Variants in ACSBG1 observed in about 807,000 individuals in gnomAD.
ACSBG1 encodes the protein acyl-CoA synthetase bubblegum family member 1.
In ACSBG1, 39 loss-of-function variants were observed where a neutral mutation model predicts 80.2. The observed-to-expected ratio is 0.49, with a 90% confidence interval of 0.38 to 0.64. ACSBG1 has a LOEUF of 0.64. ACSBG1 is among the 30% of genes least tolerant of loss of function. ACSBG1 has a pLI of 0.00. For missense variants in ACSBG1, 828 were observed against 966.4 expected (o/e 0.86, Z 1.90); for synonymous variants, 392 against 379.5 (o/e 1.03, Z -0.38).
chr15:78,211,539 C>T (rs2075267418), intron 1 of ACSBG1, among the ~76,000 whole-genome samples: 1 of 152,252 alleles, frequency 6.6e-6, no homozygotes, highest in Non-Finnish European at 1.5e-5. Flanking sequence ...CACATAAGCA[C>T]ACTTTAAGCT....
chr15:78,187,341 T>G (rs2141338993), intron 5 of ACSBG1, among the ~76,000 whole-genome samples: 1 of 152,116 alleles, frequency 6.6e-6, no homozygotes, highest in Non-Finnish European at 1.5e-5. Flanking sequence ...AGCATCATCC[T>G]GATACCAAAG....
chr15:78,200,688 G>A (rs966039313), intron 2 of ACSBG1, among the ~76,000 whole-genome samples: 4 of 152,124 alleles, frequency 2.6e-5, no homozygotes, highest in Non-Finnish European at 4.4e-5. Context: ...ATCTCCTCTG[G>A]GAAAGGACTA....
chr15:78,189,742 C>T (rs976606894), intron 5 of ACSBG1, among the ~76,000 whole-genome samples: 44 of 151,984 alleles, frequency 2.9e-4, no homozygotes, highest in Non-Finnish European at 4.7e-4. Context: ...TTAATGGGTG[C>T]AGCACACCAG....
In ACSBG1 at chr15:78,216,301, C is replaced by T. The variant is rs190434631; in HGVS notation, c.132-8199G>A. 5.3e-5 allele frequency among the ~76,000 whole-genome samples: 8 copies of T among 152,108 alleles called. No individual in the cohort carries two copies. In the East Asian group the frequency reaches 5.8e-4, roughly 11 times the overall value. ...CTCGAAGATTTAGAGATGATGGGATCGATGAACAAAGATGCATTCTTTGCA... is the reference window on the plus strand; with the variant it reads ...CTCGAAGATTTAGAGATGATGGGATTGATGAACAAAGATGCATTCTTTGCA... On this transcript the variant is annotated intron_variant, in intron 1 of 13. Transcript: ENST00000258873.
chr15:78,168,985 C>G lies in ACSBG1; in HGVS notation c.*2459G>C. ...AGACTTCACAGAGGAAATCTGTCGC[C>G]GAGTAAAAGATTTAGATTAACACTT... On this transcript the variant is annotated 3_prime_UTR_variant, in exon 14 of 14. Transcript: ENST00000258873. 1 of 1,597,602 alleles carries G rather than the reference C, an allele frequency of 6.3e-7. No individual in the cohort carries two copies. Among genetic ancestry groups the G allele is most frequent in the Non-Finnish European group, 8.6e-7 (1 of 1,166,310 alleles).
At chr15:78,220,697 GA>G in intron 1 of ACSBG1, among the ~76,000 whole-genome samples, 2 of 152,242 alleles carry the variant, frequency 1.3e-5, no homozygotes, top group African/African-American at 4.8e-5. Context: ...TATGCAAATG[GA>G]CAACAAGCAC....
intron 1 of ACSBG1, among the ~76,000 whole-genome samples, chr15:78,228,189 C>G (rs1374926183): frequency 2.0e-5 from 3 of 152,170 alleles, no homozygotes; most frequent in Non-Finnish European, 4.4e-5. Flanking sequence ...GTGTTCCTCA[C>G]AGGCTCCTTT....
chr15:78,209,338 GC>G, intron 1 of ACSBG1: 1 of 440,858 alleles, frequency 2.3e-6, no homozygotes. Flanking sequence ...CCAAGGTGGC[GC>G]CGTTCTTGCG....
chr15:78,210,144 T>C lies in ACSBG1; in HGVS notation c.132-2042A>G, dbSNP rs117329634. On this transcript the variant is annotated intron_variant, in intron 1 of 13. Coordinates refer to ENST00000258873, the MANE Select transcript of ACSBG1 (RefSeq NM_015162.5). ...TGGAGGGGCAGCACCCAGTGCAGTG[T>C]CAAATTTCTTGTTGCTCAGACACTG... 2.8e-3 allele frequency among the ~76,000 whole-genome samples: 433 copies of C among 152,272 alleles called. 5 individuals are homozygous for C. Among genetic ancestry groups the C allele is most frequent in the Non-Finnish European group, 1.6e-3 (106 of 68,016 alleles).
intron 2 of ACSBG1, among the ~76,000 whole-genome samples, chr15:78,197,791 C>T (rs906239336): frequency 2.0e-5 from 3 of 151,634 alleles, no homozygotes; most frequent in Admixed American, 1.3e-4. Context: ...TGTGCAATGG[C>T]CCTCAGAGCA....
chr15:78,216,495 G>A (rs1215617070), intron 1 of ACSBG1, among the ~76,000 whole-genome samples: 5 of 152,170 alleles, frequency 3.3e-5, no homozygotes, highest in African/African-American at 7.2e-5. Context: ...CCCCAGTCTC[G>A]GTTTTCCAGC....
intron 10 of ACSBG1, 56 bp downstream of exon 10, chr15:78,179,494 C>T: frequency 6.5e-7 from 1 of 1,534,904 alleles, no homozygotes; most frequent in Non-Finnish European, 8.9e-7. Flanking sequence ...CAGGCGGGCA[C>T]AAAGTACCAG....
chr15:78,194,175 G>T (rs1256150909), intron 3 of ACSBG1, among the ~76,000 whole-genome samples, 155 bp from the exon 4 acceptor site: 2 of 152,122 alleles, frequency 1.3e-5, no homozygotes, highest in Non-Finnish European at 2.9e-5. Flanking sequence ...GAAGGGGTTG[G>T]TCACTCAACA....
intron 2 of ACSBG1, among the ~76,000 whole-genome samples, chr15:78,204,649 C>T (rs2075197614): frequency 6.6e-6 from 1 of 152,238 alleles, no homozygotes; most frequent in Non-Finnish European, 1.5e-5. Context: ...GAATCACTGG[C>T]ACTCATTTCC....
intron 1 of ACSBG1, among the ~76,000 whole-genome samples, chr15:78,212,064 C>T (rs961150042): frequency 6.6e-5 from 10 of 152,320 alleles, no homozygotes; most frequent in Admixed American, 3.3e-4. Flanking sequence ...GAACGCTTCA[C>T]GGATGAGGAT....
At chr15:78,183,027 A>C in intron 5 of ACSBG1, 4 of 564,868 alleles carry the variant, frequency 7.1e-6, no homozygotes, top group East Asian at 2.9e-5. Flanking sequence ...AAAACCACCA[A>C]ACAAGCTGGG....
intron 5 of ACSBG1, among the ~76,000 whole-genome samples, chr15:78,191,625 C>T (rs2075057497): frequency 2.0e-5 from 3 of 152,332 alleles, no homozygotes; most frequent in African/African-American, 7.2e-5. Context: ...CATTTTGCTA[C>T]ACCTAATAAA....
chr15:78,223,274 T>G (rs2075373310), intron 1 of ACSBG1, among the ~76,000 whole-genome samples: 1 of 125,966 alleles, frequency 7.9e-6, no homozygotes. Flanking sequence ...GGGAGGGGCC[T>G]GTTGGGGGGT....
chr15:78,212,637 G>C (rs1343626722), intron 1 of ACSBG1: 4 of 455,194 alleles, frequency 8.8e-6, no homozygotes, highest in Non-Finnish European at 1.8e-5. Context: ...AGCTTGCCCA[G>C]GAGAGAGCCA....
Sources: gnomAD v4.1 joint callset for allele counts (sites outside exome capture counted in the v4.1 genomes callset) on GRCh38, gnomAD v4.1.1 for gene constraint, MANE v1.5 for transcripts, NCBI Gene and HGNC (gene_info 2026-07-23, HGNC 2026-07-21) for gene names.